The following CNGB3 variants were observed in gnomAD, a reference collection of about 807,000 sequenced individuals.
CNGB3 encodes the protein cyclic nucleotide gated channel subunit beta 3.
CNGB3 carries 86 observed loss-of-function variants against 92.8 expected under a neutral mutation model. The observed-to-expected ratio is 0.93, with a 90% confidence interval of 0.78 to 1.11. The LOEUF is 1.11. CNGB3 is among the 50% of genes least tolerant of loss of function. The pLI, the probability that CNGB3 is intolerant of heterozygous loss-of-function variation, is 0.00. For synonymous variants in CNGB3, 333 were observed against 332.7 expected, an observed-to-expected ratio of 1.00 and a Z score of -0.01; for missense variants, 1,026 against 956.8, an observed-to-expected ratio of 1.07 and a Z score of -0.95.
chr8:86,600,663 G>T (rs769794182), intron 15 of CNGB3, among the ~76,000 whole-genome samples: 1 of 149,168 alleles, frequency 6.7e-6, no homozygotes, highest in Non-Finnish European at 1.5e-5. Context: ...AGGCTGGAGC[G>T]CAGTGGCGCG....
chr8:86,630,869 T>A (rs1299472241), intron 11 of CNGB3, among the ~76,000 whole-genome samples: 1 of 152,114 alleles, frequency 6.6e-6, no homozygotes, highest in African/African-American at 2.4e-5. Context: ...CCAGACCCTG[T>A]CTCTTAATAA....
At chr8:86,704,280 T>C (rs894924301) in intron 3 of CNGB3, 19 of 152,246 alleles carry the variant, frequency 1.2e-4, no homozygotes, top group African/African-American at 4.6e-4. Context: ...GTCCTCATGT[T>C]GAGTAGGCTG....
At chr8:86,661,210 C>A in intron 6 of CNGB3, 1 of 295,742 alleles carries the variant, frequency 3.4e-6, no homozygotes, top group Admixed American at 3.9e-5. Flanking sequence ...AAAATATATT[C>A]TATGCTTTCT....
At chr8:86,576,817 C>T (rs1821670438) in intron 17 of CNGB3, among the ~76,000 whole-genome samples, 1 of 152,132 alleles carries the variant, frequency 6.6e-6, no homozygotes, top group Non-Finnish European at 1.5e-5. Context: ...TTCTTTACTC[C>T]CATACATTTT....
At chr8:86,743,160 A>G (rs1825370700) in intron 1 of CNGB3, among the ~76,000 whole-genome samples, 1 of 152,230 alleles carries the variant, frequency 6.6e-6, no homozygotes, top group Non-Finnish European at 1.5e-5. Flanking sequence ...TATGAAGACC[A>G]GGATACTTGA....
intron 7 of CNGB3, among the ~76,000 whole-genome samples, chr8:86,653,577 A>G (rs1002551722): frequency 6.6e-6 from 1 of 152,186 alleles, no homozygotes; most frequent in Non-Finnish European, 1.5e-5. Context: ...TAGGAAAGGA[A>G]CGTTCCATGT....
intron 4 of CNGB3, among the ~76,000 whole-genome samples, chr8:86,669,933 C>G (rs1397765067): frequency 6.6e-6 from 1 of 152,064 alleles, no homozygotes; most frequent in African/African-American, 2.4e-5. Flanking sequence ...TCACTGCAAC[C>G]TCTGCCTCCT....
At chr8:86,643,726 G>T in intron 10 of CNGB3, 25 bp downstream of exon 10, 3 of 1,600,322 alleles carry the variant, frequency 1.9e-6, no homozygotes, top group East Asian at 4.5e-5. Context: ...AATCAATAAA[G>T]GTTTCTTTCA....
rs1270393266 is a variant in CNGB3 at position 86,587,279 on chromosome 8, T to C, written c.1782-8027A>G. On this transcript the variant is annotated intron_variant, in intron 15 of 17. Coordinates refer to ENST00000320005, the MANE Select transcript of CNGB3 (RefSeq NM_019098.5). ...TAGGTTGCAAAAATTTTCTCCCATT[T>C]TGTAGGTTGCCTGTTGACTCTGATG... 4.6e-5 allele frequency among the ~76,000 whole-genome samples: 7 copies of C among 152,052 alleles called. No individual in the cohort carries two copies. In the South Asian group the frequency reaches 1.2e-3, roughly 27 times the overall value.
chr8:86,595,462 C>G (rs1490402347), intron 15 of CNGB3, among the ~76,000 whole-genome samples: 1 of 152,096 alleles, frequency 6.6e-6, no homozygotes, highest in Non-Finnish European at 1.5e-5. Flanking sequence ...TATTGTGGGA[C>G]TTAGATGAGG....
At chr8:86,604,254 T>C in intron 14 of CNGB3, 43 bp from the exon 15 acceptor site, 4 of 1,193,882 alleles carry the variant, frequency 3.4e-6, no homozygotes, top group Non-Finnish European at 5.0e-6. Flanking sequence ...TACTTTATTC[T>C]TGATAATTAT....
At chr8:86,689,385 T>C (rs1161664381) in intron 3 of CNGB3, among the ~76,000 whole-genome samples, 1 of 151,908 alleles carries the variant, frequency 6.6e-6, no homozygotes, top group Non-Finnish European at 1.5e-5. Context: ...TGTTGAGGTC[T>C]CCAGGTATTA....
At chr8:86,596,760 A>C (rs1291030046) in intron 15 of CNGB3, among the ~76,000 whole-genome samples, 2 of 152,210 alleles carry the variant, frequency 1.3e-5, no homozygotes, top group Non-Finnish European at 2.9e-5. Context: ...ACAATAGCAA[A>C]GACTTGGAAT....
Position 86,644,540 on chromosome 8 carries a change from G to T in CNGB3, c.1055+82C>A, listed in dbSNP as rs1823256547. ...TTATATCCTTTTTTTGAAGAGGGGGGTCATATCCCTGCCAAATTCCGTCTA... is the reference window on the plus strand; with the variant it reads ...TTATATCCTTTTTTTGAAGAGGGGGTTCATATCCCTGCCAAATTCCGTCTA... On this transcript the variant is annotated intron_variant, in intron 9 of 17. Coordinates refer to ENST00000320005, the MANE Select transcript of CNGB3 (RefSeq NM_019098.5). 25 of 1,546,014 alleles carry T rather than the reference G, an allele frequency of 1.6e-5. No homozygotes were observed. The East Asian group carries it at 5.4e-4, about 34-fold the overall frequency.
At position 86,632,852 on chromosome 8, in the gene CNGB3, G is replaced by T. The variant is rs1268543577; in HGVS notation, c.1220C>A (p.Thr407Asn). 1.9e-6 allele frequency: 3 copies of T among 1,612,578 alleles called. No homozygotes were observed. The highest frequency in any genetic ancestry group is 2.7e-5 in the African/African-American group (2 of 74,866). The change falls in exon 11 of 18, where the codon ACC (threonine) becomes AAC (asparagine). Residue 407 changes from threonine to asparagine, a missense_variant. Transcript: ENST00000320005. The part of the protein sequence containing the change: ...CYYWAVRTLI[T>N]IGGLPEPQTL... ...TTGTGGTTCTGGAAGGCCACCAATG[G>T]TAATTAAAGTTCGAACTGCCCAATA... is the stretch of plus-strand genomic sequence containing the variant.
At chr8:86,599,963 T>G (rs1390285883) in intron 15 of CNGB3, among the ~76,000 whole-genome samples, 2 of 152,224 alleles carry the variant, frequency 1.3e-5, no homozygotes, top group African/African-American at 4.8e-5. Context: ...AATAAAAACT[T>G]GCTGGTTTTG....
intron 3 of CNGB3, among the ~76,000 whole-genome samples, chr8:86,694,080 ACCCCCCCACCTCCCTCCCAGACGGGGCG>A (rs1563757099): frequency 3.7e-4 from 39 of 105,594 alleles, no homozygotes; most frequent in African/African-American, 1.2e-3. Context: ...GGGGGGGCTG[ACCCCCCCACCTCCCTCCCAGACGGGGCG>A]GCTGGCCGGG....
chr8:86,634,796 GTCTTT>G (rs1192016114), intron 10 of CNGB3, among the ~76,000 whole-genome samples: 6 of 151,376 alleles, frequency 4.0e-5, no homozygotes, highest in African/African-American at 1.5e-4. Flanking sequence ...AACAAGGGTG[GTCTTT>G]TCTTGTAAAA....
Position 86,575,956 on chromosome 8 carries a change from G to A in CNGB3, c.2278C>T (p.Pro760Ser), listed in dbSNP as rs757716046. Reference sequence around the variant, plus strand: ...TGGGGTTCTTCCTCCACTGCAATAGGACTTGCTGTACATTCAGGTCTGTCC... The same window carrying A: ...TGGGGTTCTTCCTCCACTGCAATAGAACTTGCTGTACATTCAGGTCTGTCC... ...PLDRPECTAS[P>S]IAVEEEPHSV... The change falls in exon 18 of 18, where the codon CCT (proline) becomes TCT (serine). Residue 760 changes from proline (P) to serine (S), a missense_variant. Transcript: ENST00000320005. The A allele has an allele frequency of 5.0e-6, 8 of 1,613,928 alleles. 1 individual carries two copies. The South Asian group carries it at 8.8e-5, about 18-fold the overall frequency.
Sources: gnomAD v4.1 joint callset for allele counts (sites outside exome capture counted in the v4.1 genomes callset) on GRCh38, gnomAD v4.1.1 for gene constraint, MANE v1.5 for transcripts, NCBI Gene and HGNC (gene_info 2026-07-23, HGNC 2026-07-21) for gene names.